ATP2B2: variants seen among roughly 807,000 people sequenced by gnomAD.
ATP2B2 encodes ATPase plasma membrane Ca2+ transporting 2.
ATP2B2 carries 15 observed loss-of-function variants against 120.0 expected under a neutral mutation model. The observed-to-expected ratio is 0.12, with a 90% CI of 0.08 to 0.19. ATP2B2 has a LOEUF of 0.19. ATP2B2 is among the 10% of genes least tolerant of loss of function. The pLI is 1.00. For missense variants in ATP2B2, 1,045 were observed against 1,719.8 expected, an observed-to-expected ratio of 0.61 and a Z score of 6.94; for synonymous variants, 694 against 700.3, an observed-to-expected ratio of 0.99 and a Z score of 0.14.
intron 2 of ATP2B2, among the ~76,000 whole-genome samples, chr3:10,441,490 T>C (rs2063664811): frequency 6.6e-6 from 1 of 152,240 alleles, no homozygotes; most frequent in Admixed American, 6.5e-5. Flanking sequence ...TCCACCTACC[T>C]TGGCCTCCCA....
At chr3:10,398,920 A>C (rs532597084) in intron 5 of ATP2B2, among the ~76,000 whole-genome samples, 1 of 151,644 alleles carries the variant, frequency 6.6e-6, no homozygotes, top group East Asian at 1.9e-4. Flanking sequence ...CGGCCACCCT[A>C]TGACTCACTC....
intron 21 of ATP2B2, chr3:10,338,788 G>A (rs554748767): frequency 8.1e-5 from 23 of 284,136 alleles, no homozygotes; most frequent in East Asian, 7.1e-4. Flanking sequence ...AACTGGGCAC[G>A]GTGGAGGGTC....
At chr3:10,531,991 C>A (rs2067219200) in intron 3 of ATP2B2, among the ~76,000 whole-genome samples, 2 of 151,678 alleles carry the variant, frequency 1.3e-5, no homozygotes, top group South Asian at 4.2e-4. Flanking sequence ...CCCCGCCCCA[C>A]CACCCTGGCA....
At chr3:10,512,602 A>T (rs562417726) in intron 3 of ATP2B2, among the ~76,000 whole-genome samples, 1 of 152,266 alleles carries the variant, frequency 6.6e-6, no homozygotes, top group South Asian at 2.1e-4. Flanking sequence ...AGTGGAGCTA[A>T]CAAACCCAGT....
At chr3:10,351,714 C>T (rs183633080) in intron 14 of ATP2B2, among the ~76,000 whole-genome samples, 2 of 152,264 alleles carry the variant, frequency 1.3e-5, no homozygotes, top group Admixed American at 6.5e-5. Flanking sequence ...GAGCGCATCA[C>T]GGTAAGCCCT....
At chr3:10,489,505 C>T (rs557952325) in intron 1 of ATP2B2, among the ~76,000 whole-genome samples, 1 of 152,196 alleles carries the variant, frequency 6.6e-6, no homozygotes, top group Non-Finnish European at 1.5e-5. Context: ...ACCCTCCTGG[C>T]CTCTCATTAA....
At chr3:10,364,208 G>T (rs1466764587) in intron 12 of ATP2B2, among the ~76,000 whole-genome samples, 1 of 152,118 alleles carries the variant, frequency 6.6e-6, no homozygotes, top group Non-Finnish European at 1.5e-5. Flanking sequence ...GAGAATGGTG[G>T]GTGCCAGACA....
chr3:10,569,859 A>C (rs567473592), intron 2 of ATP2B2, among the ~76,000 whole-genome samples: 39 of 152,306 alleles, frequency 2.6e-4, no homozygotes, highest in African/African-American at 9.1e-4. Context: ...GCCTCCACCT[A>C]CTGGCTCTAT....
chr3:10,616,566 G>T (rs1244529342), intron 2 of ATP2B2, among the ~76,000 whole-genome samples: 1 of 152,182 alleles, frequency 6.6e-6, no homozygotes, highest in Admixed American at 6.5e-5. Flanking sequence ...ACAGAAGGAA[G>T]ACTATGTGAC....
intron 2 of ATP2B2, among the ~76,000 whole-genome samples, chr3:10,578,410 G>C (rs1013046350): frequency 4.6e-5 from 7 of 152,140 alleles, no homozygotes; most frequent in Admixed American, 3.9e-4. Flanking sequence ...AACCAGGTGT[G>C]GTGGCACGTG....
At chr3:10,334,019 C>T (rs1257791963) in intron 22 of ATP2B2, among the ~76,000 whole-genome samples, 1 of 152,246 alleles carries the variant, frequency 6.6e-6, no homozygotes, top group African/African-American at 2.4e-5. Context: ...CGGACGGGCC[C>T]TATTGAATGG....
intron 1 of ATP2B2, among the ~76,000 whole-genome samples, chr3:10,456,983 C>A (rs984785953): frequency 2.0e-5 from 3 of 152,234 alleles, no homozygotes; most frequent in Non-Finnish European, 4.4e-5. Context: ...GAGCCTCAGC[C>A]ATTCTCTTAG....
rs80189101 is a variant in ATP2B2, at chr3:10,569,288, C to T, written c.-414-35155G>A. Among the ~76,000 whole-genome samples the T allele has an allele frequency of 3.3e-3, 506 of 152,324 alleles. 3 individuals carry two copies. Among genetic ancestry groups the T allele is most frequent in the Non-Finnish European group, 5.5e-3 (374 of 68,028 alleles). On this transcript the variant is annotated intron_variant, in intron 2 of 21. Transcript: ENST00000646379. ...TGGCTACGCAGGTGATATATTTTAA[C>T]GGGAGCCACCCCTCACTCACATCCC...
At chr3:10,581,015 A>T (rs1474298802) in intron 2 of ATP2B2, among the ~76,000 whole-genome samples, 1 of 152,208 alleles carries the variant, frequency 6.6e-6, no homozygotes, top group African/African-American at 2.4e-5. Flanking sequence ...GAGACTTTAC[A>T]TGTATTATTT....
At chr3:10,600,242 A>G (rs1387430816) in intron 2 of ATP2B2, among the ~76,000 whole-genome samples, 1 of 152,220 alleles carries the variant, frequency 6.6e-6, no homozygotes, top group Admixed American at 6.5e-5. Flanking sequence ...GTGTGTCCCC[A>G]GAAGTGCCGT....
rs1330120137 is a variant in ATP2B2 at position 10,388,263 on chromosome 3, G to T, written c.907+14C>A. ...AAGAGCTCCTCTCCTGGTCTGCAAG[G>T]GGATTAGGCTTACCTTTTTTGTCTT... On this transcript the variant is annotated intron_variant, in intron 6 of 22. Transcript: ENST00000360273. The T allele has an allele frequency of 2.5e-6, 4 of 1,613,966 alleles. No homozygotes were observed. The highest frequency in any genetic ancestry group is 3.4e-6 in the Non-Finnish European group (4 of 1,180,002).
intron 1 of ATP2B2, among the ~76,000 whole-genome samples, chr3:10,623,447 C>T (rs1295879831): frequency 6.6e-6 from 1 of 152,112 alleles, no homozygotes; most frequent in Non-Finnish European, 1.5e-5. Context: ...GAGGATCTCA[C>T]ACAGCCCAAA....
chr3:10,588,875 T>C (rs967400007), intron 2 of ATP2B2, among the ~76,000 whole-genome samples: 1 of 152,114 alleles, frequency 6.6e-6, no homozygotes, highest in Non-Finnish European at 1.5e-5. Context: ...TAGCCTCCCT[T>C]TTATATTTAA....
chr3:10,385,129 G>A (rs2124842216), intron 8 of ATP2B2, 139 bp downstream of exon 8: 2 of 857,314 alleles, frequency 2.3e-6, no homozygotes, highest in Non-Finnish European at 3.8e-6. Context: ...CCTGCCCCAT[G>A]TGAGAAGGTG....
Sources: gnomAD v4.1 joint callset for allele counts (sites outside exome capture counted in the v4.1 genomes callset) on GRCh38, gnomAD v4.1.1 for gene constraint, MANE v1.5 for transcripts, NCBI Gene and HGNC (gene_info 2026-07-23, HGNC 2026-07-21) for gene names.